The following BCAS3 variants were observed in gnomAD, a reference collection of about 807,000 sequenced individuals.
The protein encoded by BCAS3 is BCAS3 microtubule associated cell migration factor, also known as BCAS4/BCAS3 fusion.
In BCAS3, 53 loss-of-function variants were observed where a neutral mutation model predicts 116.1. That is an observed-to-expected ratio of 0.46 (90% CI 0.37 to 0.57). The LOEUF (loss-of-function observed/expected upper bound fraction) is 0.57. BCAS3 is among the 20% of genes least tolerant of loss of function. The pLI, the probability that BCAS3 is intolerant of heterozygous loss-of-function variation, is 0.00. For missense variants in BCAS3, 917 were observed against 1,165.4 expected (o/e 0.79, Z 3.10); for synonymous variants, 391 against 408.2 (o/e 0.96, Z 0.51).
intron 7 of BCAS3, among the ~76,000 whole-genome samples, chr17:60,827,763 G>A (rs770009353): frequency 2.0e-5 from 3 of 152,014 alleles, no homozygotes; most frequent in Non-Finnish European, 4.4e-5. Flanking sequence ...TAGAAGAAGC[G>A]TGTTTCTATG....
At chr17:60,836,109 A>G (rs757085781) in intron 7 of BCAS3, among the ~76,000 whole-genome samples, 2 of 152,142 alleles carry the variant, frequency 1.3e-5, no homozygotes, top group Non-Finnish European at 2.9e-5. Context: ...GCATACATTT[A>G]TAGCCTCTGC....
At chr17:60,703,830 C>T (rs1555669564) in intron 4 of BCAS3, among the ~76,000 whole-genome samples, 3 of 150,428 alleles carry the variant, frequency 2.0e-5, no homozygotes, top group African/African-American at 2.5e-5. Context: ...AGGAGAATGG[C>T]GTGAACCCGA....
At chr17:60,775,380 G>A (rs2045176422) in intron 6 of BCAS3, among the ~76,000 whole-genome samples, 1 of 152,044 alleles carries the variant, frequency 6.6e-6, no homozygotes, top group Non-Finnish European at 1.5e-5. Context: ...TCAGAGTCTG[G>A]CATCATTTTT....
intron 10 of BCAS3, among the ~76,000 whole-genome samples, chr17:60,902,350 A>C (rs1033539784): frequency 1.3e-5 from 2 of 152,216 alleles, no homozygotes; most frequent in African/African-American, 4.8e-5. Context: ...CAATCCTACC[A>C]TTTCAGAGTT....
At chr17:61,090,501 TTAATTC>T (rs2073462690) in intron 22 of BCAS3, among the ~76,000 whole-genome samples, 1 of 152,234 alleles carries the variant, frequency 6.6e-6, no homozygotes, top group Admixed American at 6.5e-5. Flanking sequence ...ATACATTAAA[TTAATTC>T]TAATCTTTCG....
chr17:61,218,202 CCT>C (rs753015503), intron 22 of BCAS3, among the ~76,000 whole-genome samples: 51 of 152,178 alleles, frequency 3.4e-4, no homozygotes, highest in Non-Finnish European at 5.0e-4. Flanking sequence ...TCTGAAGTCC[CCT>C]CTCTACTGCC....
At chr17:61,150,143 A>G (rs966778414) in intron 22 of BCAS3, among the ~76,000 whole-genome samples, 16 of 152,204 alleles carry the variant, frequency 1.1e-4, no homozygotes, top group South Asian at 2.1e-4. Context: ...TGCTTAGCCA[A>G]TCATCCTGTA....
At chr17:61,359,246 G>A (rs1441955938) in intron 22 of BCAS3, among the ~76,000 whole-genome samples, 3 of 152,154 alleles carry the variant, frequency 2.0e-5, no homozygotes, top group Non-Finnish European at 4.4e-5. Context: ...GAGCCCTGGG[G>A]TAATCCTCTA....
Position 61,309,832 on chromosome 17 carries a change from GAGA to G in BCAS3, c.2426-58489_2426-58487del, listed in dbSNP as rs969195499. Among the ~76,000 whole-genome samples, 5 of 152,172 alleles carry G rather than the reference GAGA, an allele frequency of 3.3e-5. No individual in the cohort carries two copies. The highest frequency in any genetic ancestry group is 9.7e-5 in the African/African-American group (4 of 41,446). ...CCCATGAATCTGTCTGCACCCTTGT[GAGA>G]AGAAGCCCATGAAGTCAAATGACAG... On this transcript the variant is annotated intron_variant, in intron 22 of 23. Transcript: ENST00000407086. The surrounding 1 kb of genome is among the most constrained non-coding windows in gnomAD (Gnocchi z 4.6).
At chr17:61,135,629 CT>C (rs1207938761) in intron 22 of BCAS3, among the ~76,000 whole-genome samples, 1 of 152,206 alleles carries the variant, frequency 6.6e-6, no homozygotes, top group Non-Finnish European at 1.5e-5. Context: ...CTGCCACCCC[CT>C]GTCTATATGC....
chr17:61,243,425 A>G lies in BCAS3; in HGVS notation c.2426-124902A>G, dbSNP rs1329501443. Among the ~76,000 whole-genome samples the G allele has an allele frequency of 2.6e-5, 4 of 152,212 alleles. No homozygotes were observed. The highest frequency in any genetic ancestry group is 5.9e-5 in the Non-Finnish European group (4 of 68,026). The stretch of plus-strand genomic sequence containing the variant: ...CATCTTGACTATTGTGCATAATGCT[A>G]CAGTGAACGTTCCATACAGTGAAGT... On this transcript the variant is annotated intron_variant, in intron 22 of 23. Coordinates refer to ENST00000407086, the MANE Select transcript of BCAS3 (RefSeq NM_017679.5). The surrounding 1 kb of genome is among the most constrained non-coding windows in gnomAD (Gnocchi z 5.6).
At chr17:60,849,831 A>G (rs1174224976) in intron 7 of BCAS3, among the ~76,000 whole-genome samples, 1 of 152,084 alleles carries the variant, frequency 6.6e-6, no homozygotes, top group Non-Finnish European at 1.5e-5. Context: ...ATCATAGCAC[A>G]TTGTATGTAG....
In BCAS3 at chr17:60,799,520, G is replaced by GTTTTTTTTTTTTTTTTTTTTTTTTTT. The variant is rs200098763; in HGVS notation, c.404-8481_404-8480insTTTTTTTTTTTTTTTTTTTTTTTTTT. ...AATATGTAAGTTTTTTGAGATTAGT[G>GTTTTTTTTTTTTTTTTTTTTTTTTTT]TTTGTTTTTTTTTTTTTTTTTTTTT... On this transcript the variant is annotated intron_variant, in intron 6 of 23. Transcript: ENST00000407086. 2.6e-5 allele frequency among the ~76,000 whole-genome samples: 3 copies of GTTTTTTTTTTTTTTTTTTTTTTTTTT among 117,644 alleles called. 1 individual carries two copies. Among genetic ancestry groups the GTTTTTTTTTTTTTTTTTTTTTTTTTT allele is most frequent in the African/African-American group, 1.1e-4 (3 of 27,140 alleles). The allele number at this position is 117,644 out of a possible 152,430, so 77.2% of individuals were successfully genotyped here. A position where few individuals can be genotyped will look rare whatever the true frequency, so the allele number is the denominator to read the frequency against.
intron 6 of BCAS3, among the ~76,000 whole-genome samples, chr17:60,798,328 G>C (rs1042499497): frequency 6.6e-6 from 1 of 152,160 alleles, no homozygotes; most frequent in Admixed American, 6.5e-5. Context: ...TTAAAACTTA[G>C]AAGTCCTTAA....
chr17:60,680,323 T>C (rs1366444138), intron 2 of BCAS3, among the ~76,000 whole-genome samples: 2 of 152,130 alleles, frequency 1.3e-5, no homozygotes, highest in African/African-American at 4.8e-5. Flanking sequence ...GCAGGTTTGT[T>C]ATATAGGGAA....
chr17:61,142,092 A>T (rs962438626), intron 22 of BCAS3, among the ~76,000 whole-genome samples: 8 of 149,014 alleles, frequency 5.4e-5, no homozygotes, highest in Admixed American at 5.4e-4. Flanking sequence ...CTCTTGTTTT[A>T]TTTTTTTTTA....
chr17:61,257,775 A>C (rs1017619775), intron 22 of BCAS3, among the ~76,000 whole-genome samples: 2 of 152,182 alleles, frequency 1.3e-5, no homozygotes, highest in African/African-American at 2.4e-5. Context: ...TTGTTTCTTC[A>C]TCTAGACAAA....
intron 19 of BCAS3, among the ~76,000 whole-genome samples, chr17:61,045,967 T>A (rs1338757969): frequency 5.4e-4 from 5 of 9,226 alleles, no homozygotes; most frequent in Non-Finnish European, 5.6e-4. Flanking sequence ...ATATATATAA[T>A]ATATATATAT....
At chr17:60,813,976 G>A (rs1351650911) in intron 7 of BCAS3, among the ~76,000 whole-genome samples, 1 of 152,040 alleles carries the variant, frequency 6.6e-6, no homozygotes, top group Non-Finnish European at 1.5e-5. Context: ...TCTCAGCTTT[G>A]TTCTTTTTGC....
Sources: gnomAD v4.1 joint callset for allele counts (sites outside exome capture counted in the v4.1 genomes callset) on GRCh38, gnomAD v4.1.1 for gene constraint, Gnocchi (gnomAD v3.1) non-coding constraint, MANE v1.5 for transcripts, NCBI Gene and HGNC (gene_info 2026-07-23, HGNC 2026-07-21) for gene names.